The following RPTOR variants were observed in gnomAD, a reference collection of about 807,000 sequenced individuals.
The protein encoded by RPTOR is regulatory-associated protein of mTOR.
A neutral mutation model predicts 169.9 loss-of-function variants in RPTOR; 21 were observed. That is an observed-to-expected ratio of 0.12 (90% confidence interval 0.09 to 0.18). The LOEUF is 0.18. RPTOR is among the 10% of genes least tolerant of loss of function. The probability of loss-of-function intolerance (pLI) is 1.00; values close to 1 mark genes in which losing one functional copy is unlikely to be tolerated. For synonymous variants in RPTOR, 732 were observed against 753.2 expected (o/e 0.97, Z 0.46); for missense variants, 1,133 against 1,855.9 (o/e 0.61, Z 7.16).
chr17:80,783,523 C>CT (rs2066961453), intron 6 of RPTOR, among the ~76,000 whole-genome samples: 2 of 152,188 alleles, frequency 1.3e-5, no homozygotes, highest in African/African-American at 4.8e-5. Flanking sequence ...ATTATCTTAA[C>CT]TTTTTAATGT....
At chr17:80,909,732 C>G (rs2068589485) in intron 21 of RPTOR, 1 of 152,138 alleles carries the variant, frequency 6.6e-6, no homozygotes, top group South Asian at 2.1e-4. Flanking sequence ...TTAATGGTTT[C>G]TTATTCATGG....
At chr17:80,725,846 G>T (rs1190118799) in intron 4 of RPTOR, among the ~76,000 whole-genome samples, 3 of 152,196 alleles carry the variant, frequency 2.0e-5, no homozygotes, top group African/African-American at 7.2e-5. Context: ...AATTGTTGCA[G>T]TCTCACTAAC....
intron 21 of RPTOR, among the ~76,000 whole-genome samples, chr17:80,913,821 A>G (rs1411945320): frequency 5.9e-5 from 9 of 152,182 alleles, no homozygotes; most frequent in Non-Finnish European, 1.2e-4. Flanking sequence ...GATGCCCCTC[A>G]GGAGCCTGCC....
intron 10 of RPTOR, among the ~76,000 whole-genome samples, chr17:80,841,859 C>G (rs1375853409): frequency 8.2e-6 from 1 of 122,182 alleles, no homozygotes; most frequent in African/African-American, 3.4e-5. Context: ...CACCGCACGG[C>G]AGCTGACTCA....
chr17:80,634,681 TGCGTACTGTGTGC>T (rs2065486338), intron 2 of RPTOR, among the ~76,000 whole-genome samples: 2 of 124,020 alleles, frequency 1.6e-5, no homozygotes, highest in East Asian at 4.8e-4. Flanking sequence ...GTACTGTGTG[TGCGTACTGTGTGC>T]GTGTGCGTAC....
chr17:80,961,728 G>A lies in RPTOR; in HGVS notation c.3692+248G>A, dbSNP rs79804202. 5.6e-3 allele frequency: 2,752 copies of A among 495,592 alleles called. 68 individuals are homozygous for A. The highest frequency in any genetic ancestry group is 0.047 in the African/African-American group (2,429 of 51,550). 30.7% of individuals were successfully genotyped at this position (495,592 alleles called of 1,614,324 possible). On this transcript the variant is annotated intron_variant, in intron 31 of 33. Coordinates refer to ENST00000306801, the MANE Select transcript of RPTOR (RefSeq NM_020761.3). ...GGAACTTTCCTGGGCTGCCAACTGC[G>A]GAGGGTTCCGGGGGGAGTTGGGCAG...
chr17:80,923,729 G>A (rs755064095), intron 23 of RPTOR, 56 bp downstream of exon 23: 2 of 1,473,918 alleles, frequency 1.4e-6, no homozygotes, highest in African/African-American at 1.4e-5. Context: ...CTTCTCAGAT[G>A]GGGGCTCATG....
intron 28 of RPTOR, among the ~76,000 whole-genome samples, chr17:80,955,783 C>G (rs1420353672): frequency 6.6e-6 from 1 of 151,928 alleles, no homozygotes; most frequent in Admixed American, 6.6e-5. Context: ...AATGAAATGG[C>G]CTTCCCTGGG....
At chr17:80,716,021 T>C (rs951882787) in intron 4 of RPTOR, among the ~76,000 whole-genome samples, 1 of 152,244 alleles carries the variant, frequency 6.6e-6, no homozygotes, top group Non-Finnish European at 1.5e-5. Flanking sequence ...TGTGCTGCTA[T>C]AAACATGCGT....
At chr17:80,941,220 T>C (rs2069022295) in intron 25 of RPTOR, 1 of 152,684 alleles carries the variant, frequency 6.5e-6, no homozygotes, top group African/African-American at 2.4e-5. Flanking sequence ...TCACCTACCT[T>C]GTTGTTTGCT....
intron 3 of RPTOR, among the ~76,000 whole-genome samples, chr17:80,674,787 C>CAA (rs9319608): frequency 3.3e-5 from 3 of 89,954 alleles, no homozygotes; most frequent in African/African-American, 1.2e-4. Flanking sequence ...GACTCTGTCT[C>CAA]AAAAAAAAAA....
rs2066658489 is a variant in RPTOR, at chr17:80,754,269, C to T, written c.830+84C>T. The T allele has an allele frequency of 1.5e-6, 2 of 1,376,538 alleles. No homozygotes were observed. Among genetic ancestry groups the T allele is most frequent in the Admixed American group, 2.2e-5 (1 of 44,518 alleles). 85.3% of individuals were successfully genotyped at this position (1,376,538 alleles called of 1,614,324 possible). A position where few individuals can be genotyped will look rare whatever the true frequency, so the allele number is the denominator to read the frequency against. On this transcript the variant is annotated intron_variant, in intron 6 of 33. Transcript: ENST00000306801. The surrounding 1 kb of genome is among the most constrained non-coding windows in gnomAD (Gnocchi z 4.2). ...CCAACCCATGTGGGCCCCAGGCATT[C>T]ACCTGGTCCCAGGAGCCCACGTGAC...
chr17:80,676,968 C>T (rs10468604), intron 3 of RPTOR, among the ~76,000 whole-genome samples: 68,342 of 151,954 alleles, frequency 0.45, 16,212 homozygotes, highest in African/African-American at 0.61. Flanking sequence ...AGGTAGATCC[C>T]GGAAACCCAA....
chr17:80,904,305 A>C (rs1029300149), intron 20 of RPTOR, among the ~76,000 whole-genome samples: 1 of 152,230 alleles, frequency 6.6e-6, no homozygotes, highest in Non-Finnish European at 1.5e-5. Flanking sequence ...GGTCTTGGCC[A>C]TCACAGACTG....
intron 9 of RPTOR, among the ~76,000 whole-genome samples, chr17:80,836,567 C>T (rs2067566891): frequency 1.3e-5 from 2 of 152,184 alleles, no homozygotes. Flanking sequence ...CAGCTGCTGT[C>T]CCTCTGCCAC....
intron 1 of RPTOR, among the ~76,000 whole-genome samples, chr17:80,588,030 C>T (rs1481995118): frequency 6.6e-6 from 1 of 151,974 alleles, no homozygotes; most frequent in Admixed American, 6.6e-5. Context: ...GGTGTTTGTC[C>T]TTCTGTGGCT....
At chr17:80,902,314 C>A (rs961935370) in intron 20 of RPTOR, among the ~76,000 whole-genome samples, 1 of 152,244 alleles carries the variant, frequency 6.6e-6, no homozygotes, top group African/African-American at 2.4e-5. Context: ...CCTTCAGCCT[C>A]CTGCCCCCCG....
chr17:80,704,583 G>T (rs1374917356), intron 3 of RPTOR, among the ~76,000 whole-genome samples: 1 of 152,168 alleles, frequency 6.6e-6, no homozygotes, highest in East Asian at 1.9e-4. Context: ...TGTTGACAGT[G>T]ACTTACACCA....
intron 6 of RPTOR, among the ~76,000 whole-genome samples, chr17:80,760,787 C>T (rs904252368): frequency 1.3e-5 from 2 of 151,708 alleles, no homozygotes; most frequent in Admixed American, 6.6e-5. Context: ...CTCCCTCCCT[C>T]CCTTTACTAT....
Sources: allele counts gnomAD v4.1 joint callset (sites outside exome capture counted in the v4.1 genomes callset), GRCh38; gene constraint gnomAD v4.1.1; non-coding constraint Gnocchi (gnomAD v3.1); transcripts MANE v1.5; gene names NCBI Gene and HGNC (gene_info 2026-07-23, HGNC 2026-07-21).